TNRC6A: variants seen among roughly 807,000 people sequenced by gnomAD.
TNRC6A encodes trinucleotide repeat-containing gene 6A protein.
TNRC6A carries 44 observed loss-of-function variants against 221.2 expected under a neutral mutation model. The ratio of observed to expected loss-of-function variants is 0.20; its 90% CI spans 0.16 to 0.26. The LOEUF (loss-of-function observed/expected upper bound fraction) is 0.26. Ranked by LOEUF, TNRC6A falls within the 10% of genes least tolerant of loss-of-function variation. TNRC6A has a pLI of 1.00. For missense variants in TNRC6A, 2,199 were observed against 2,404.4 expected (o/e 0.91, Z 1.79); for synonymous variants, 847 against 838.5 (o/e 1.01, Z -0.18).
In TNRC6A at chr16:24,640,661, G is replaced by T. The variant is rs550689245; in HGVS notation, n.277-223G>T. 2.3e-4 allele frequency among the ~76,000 whole-genome samples: 35 copies of T among 151,370 alleles called. No homozygotes were observed. The South Asian group carries it at 5.2e-3, about 23-fold the overall frequency. ...GGAGGATCGCCTGAGCCCGGGAGGC[G>T]GAAGTTGCAGTGAACCAAGATCAAG... is the stretch of plus-strand genomic sequence containing the variant. On this transcript the variant is annotated intron_variant and non_coding_transcript_variant, in intron 1 of 2. Coordinates refer to the TNRC6A transcript ENST00000566108.
At chr16:24,664,058 G>A (rs1596622903) in intron 2 of TNRC6A, 3 of 418,954 alleles carry the variant, frequency 7.2e-6, no homozygotes, top group Non-Finnish European at 1.5e-5. Flanking sequence ...GGGAGTGGTG[G>A]CTCATACCTG....
At chr16:24,680,809 GAC>G (rs2055518629) in intron 2 of TNRC6A, among the ~76,000 whole-genome samples, 1 of 151,618 alleles carries the variant, frequency 6.6e-6, no homozygotes, top group African/African-American at 2.4e-5. Flanking sequence ...ACCCATGCTG[GAC>G]TGCAATGGCA....
chr16:24,701,146 A>C (rs1251292086), intron 2 of TNRC6A, among the ~76,000 whole-genome samples: 2 of 152,224 alleles, frequency 1.3e-5, no homozygotes, highest in African/African-American at 4.8e-5. Flanking sequence ...GCCAAAATGT[A>C]TGAGTAACAT....
intron 2 of TNRC6A, among the ~76,000 whole-genome samples, chr16:24,675,164 C>T (rs62027070): frequency 0.068 from 10,379 of 151,950 alleles, 420 homozygotes; most frequent in South Asian, 0.12. Flanking sequence ...AAAACATTCT[C>T]CAACCAACAC....
intron 1 of TNRC6A, among the ~76,000 whole-genome samples, chr16:24,612,403 A>C (rs1262964179): frequency 6.6e-6 from 1 of 152,014 alleles, no homozygotes. Context: ...ATTTAAGCCC[A>C]AGCAGTTTTC....
chr16:24,823,901 G>T lies in TNRC6A; in HGVS notation c.*94G>T. On this transcript the variant is annotated 3_prime_UTR_variant, in exon 25 of 25. Transcript: ENST00000395799. This position sits in a 1 kb window ranked among gnomAD's most constrained non-coding sequence, Gnocchi z 4.3. Reference sequence around the variant, plus strand: ...CGCCTGCAGCCAGGGGCCGCCTGTGGGAACAGCTATTCTCTGCACATTTTC... The same window carrying T: ...CGCCTGCAGCCAGGGGCCGCCTGTGTGAACAGCTATTCTCTGCACATTTTC... 7.8e-7 allele frequency: 1 copy of T among 1,280,620 alleles called. No homozygotes were observed. The allele number at this position is 1,280,620 out of a possible 1,614,324, so 79.3% of individuals were successfully genotyped here.
intron 1 of TNRC6A, among the ~76,000 whole-genome samples, chr16:24,619,441 T>C (rs557933007): frequency 1.3e-5 from 2 of 152,300 alleles, no homozygotes; most frequent in South Asian, 4.1e-4. Flanking sequence ...AGTCAATAAG[T>C]AGAGTCAACT....
chr16:24,644,615 T>G lies in TNRC6A; in HGVS notation n.402+3606T>G, dbSNP rs113484309. On this transcript the variant is annotated intron_variant and non_coding_transcript_variant, in intron 2 of 2. Coordinates refer to the TNRC6A transcript ENST00000566108. ...GGCTAATTTGGTTTTTTTTTGTGGG[T>G]TTTTTTTGTTTGTTTTTTGTAGAGT... Among the ~76,000 whole-genome samples, 456 of 151,350 alleles carry G rather than the reference T, an allele frequency of 3.0e-3. 4 individuals carry two copies. The highest frequency in any genetic ancestry group is 0.011 in the African/African-American group (434 of 41,270).
chr16:24,675,519 T>C (rs2055391076), intron 2 of TNRC6A, among the ~76,000 whole-genome samples: 1 of 150,748 alleles, frequency 6.6e-6, no homozygotes, highest in African/African-American at 2.4e-5. Context: ...ATCTCTACTA[T>C]AAATACAAAA....
At chr16:24,819,122 C>G (rs150919994) in intron 21 of TNRC6A, among the ~76,000 whole-genome samples, 3 of 152,280 alleles carry the variant, frequency 2.0e-5, no homozygotes, top group Non-Finnish European at 4.4e-5. Flanking sequence ...AGGTTGCTGT[C>G]TGTCTACATA....
intron 23 of TNRC6A, 46 bp downstream of exon 23, chr16:24,822,193 A>C: frequency 1.3e-6 from 2 of 1,592,084 alleles, no homozygotes; most frequent in African/African-American, 2.7e-5. Context: ...GCCAGGGAGC[A>C]TGGGAACAGA....
chr16:24,671,079 C>T (rs1162375199), intron 2 of TNRC6A: 2 of 291,676 alleles, frequency 6.9e-6, no homozygotes, highest in Non-Finnish European at 1.5e-5. Flanking sequence ...GCTGCCGCAC[C>T]GACAGCCTCC....
chr16:24,663,316 G>A (rs1174251647), intron 2 of TNRC6A: 1 of 154,648 alleles, frequency 6.5e-6, no homozygotes, highest in Non-Finnish European at 1.5e-5. Flanking sequence ...ACTTTGGGAG[G>A]TCGAGGCCGG....
intron 2 of TNRC6A, among the ~76,000 whole-genome samples, chr16:24,701,641 C>T (rs927010892): frequency 6.6e-5 from 10 of 152,194 alleles, no homozygotes; most frequent in Non-Finnish European, 1.3e-4. Context: ...GCTCGGATTA[C>T]AGGCGTGAGC....
In TNRC6A at chr16:24,773,136, CCTTTA is replaced by C. The variant is rs562291436; in HGVS notation, c.164-3791_164-3787del. Among the ~76,000 whole-genome samples, 13 of 152,050 alleles carry C rather than the reference CCTTTA, an allele frequency of 8.5e-5. No individual in the cohort carries two copies. The South Asian group carries it at 2.3e-3, about 27-fold the overall frequency. On this transcript the variant is annotated intron_variant, in intron 4 of 24. Transcript: ENST00000395799. ...ATTTACTAATTCCGTCTTTCTATTT[CCTTTA>C]CTTTAGTATGTGCGGGTGTTTTCCC...
At chr16:24,812,723 C>T (rs960738727) in intron 18 of TNRC6A, among the ~76,000 whole-genome samples, 13 of 152,082 alleles carry the variant, frequency 8.5e-5, no homozygotes, top group African/African-American at 3.1e-4. Flanking sequence ...TGTAAGGGCA[C>T]TCTGATGTTC....
chr16:24,744,916 C>T (rs907956952), intron 2 of TNRC6A, among the ~76,000 whole-genome samples: 1 of 152,040 alleles, frequency 6.6e-6, no homozygotes. Context: ...GCACACTGAG[C>T]CTTAGATTTT....
chr16:24,792,613 C>CTTTTTTTTTTT (rs34670934), intron 6 of TNRC6A, among the ~76,000 whole-genome samples: 20 of 56,518 alleles, frequency 3.5e-4, no homozygotes, highest in African/African-American at 7.3e-4. Flanking sequence ...ACATTTATGG[C>CTTTTTTTTTTT]TTTTTTTTTT....
chr16:24,715,634 T>C (rs574885883), intron 2 of TNRC6A, among the ~76,000 whole-genome samples: 1 of 150,570 alleles, frequency 6.6e-6, no homozygotes, highest in East Asian at 2.0e-4. Context: ...TTTTTTTTAA[T>C]TAAGACGGAG....
Sources: gnomAD v4.1 joint callset for allele counts (sites outside exome capture counted in the v4.1 genomes callset) on GRCh38, gnomAD v4.1.1 for gene constraint, Gnocchi (gnomAD v3.1) non-coding constraint, MANE v1.5 for transcripts, NCBI Gene and HGNC (gene_info 2026-07-23, HGNC 2026-07-21) for gene names.